The following ZNG1A variants were observed in gnomAD, a reference collection of about 807,000 sequenced individuals.
ZNG1A encodes Zn regulated GTPase metalloprotein activator 1A.
the ZNG1A span, among the ~76,000 whole-genome samples, chr9:158,133 A>AC: frequency 6.8e-6 from 1 of 146,778 alleles, no homozygotes; most frequent in Non-Finnish European, 1.5e-5. Flanking sequence ...TGAGGCTACA[A>AC]CAAGTCCTAT....
chr9:177,621 G>A, the ZNG1A span: 1 of 1,514,934 alleles, frequency 6.6e-7, no homozygotes, highest in Non-Finnish European at 8.9e-7. Context: ...AAAATGGTCA[G>A]GGATAGGAGT....
At chr9:177,924 T>A in the ZNG1A span, 3 of 1,478,828 alleles carry the variant, frequency 2.0e-6, no homozygotes, top group Non-Finnish European at 2.7e-6. Flanking sequence ...ACAAAAGCAG[T>A]TATTTCTTAT....
the ZNG1A span, among the ~76,000 whole-genome samples, chr9:176,304 T>C: frequency 4.2e-5 from 6 of 141,852 alleles, no homozygotes; most frequent in East Asian, 1.2e-3. Context: ...AAAAATAGTC[T>C]TGTGAACCGT....
At chr9:128,387 T>C in the ZNG1A span, among the ~76,000 whole-genome samples, 1 of 151,842 alleles carries the variant, frequency 6.6e-6, no homozygotes, top group Admixed American at 6.6e-5. Flanking sequence ...TTATTCTTTT[T>C]TCTTTGTCTT....
chr9:165,113 G>A, the ZNG1A span, among the ~76,000 whole-genome samples: 1 of 152,262 alleles, frequency 6.6e-6, no homozygotes, highest in African/African-American at 2.4e-5. Flanking sequence ...TAGAACTGGA[G>A]CGTGTCAGTC....
At chr9:162,657 C>T in the ZNG1A span, among the ~76,000 whole-genome samples, 2 of 149,976 alleles carry the variant, frequency 1.3e-5, no homozygotes, top group African/African-American at 5.0e-5. Flanking sequence ...TAAGTCAATG[C>T]ATTTCCTGAG....
At chr9:141,517 G>A in the ZNG1A span, among the ~76,000 whole-genome samples, 1 of 148,980 alleles carries the variant, frequency 6.7e-6, no homozygotes. Flanking sequence ...CACCAGGCCT[G>A]CCCTACAAGA....
the ZNG1A span, chr9:162,566 T>G: frequency 2.2e-6 from 3 of 1,334,258 alleles, no homozygotes; most frequent in Non-Finnish European, 3.1e-6. Context: ...CTAACCTATT[T>G]CAGTTCACAA....
At chr9:173,952 C>T in the ZNG1A span, among the ~76,000 whole-genome samples, 32 of 152,142 alleles carry the variant, frequency 2.1e-4, no homozygotes, top group African/African-American at 7.0e-4. Context: ...CCGAGACCAT[C>T]CTCGCTAACA....
At chr9:161,885 C>G in the ZNG1A span, among the ~76,000 whole-genome samples, 1 of 151,544 alleles carries the variant, frequency 6.6e-6, no homozygotes, top group Non-Finnish European at 1.5e-5. Context: ...ATGTGTATAT[C>G]CTGATTTTCT....
At chr9:160,201 C>A in the ZNG1A span, 71 of 454,474 alleles carry the variant, frequency 1.6e-4, no homozygotes, top group South Asian at 1.1e-3. Context: ...CATGATACCC[C>A]ATGATATCAA....
chr9:152,231 T>C, the ZNG1A span, among the ~76,000 whole-genome samples: 1 of 151,430 alleles, frequency 6.6e-6, no homozygotes. Flanking sequence ...AAACAAAACT[T>C]GCTTTAAAAA....
the ZNG1A span, chr9:175,914 C>T: frequency 7.2e-7 from 1 of 1,386,292 alleles, no homozygotes; most frequent in Non-Finnish European, 9.6e-7. Context: ...CATAGAATAT[C>T]CTAGAGGATA....
At chr9:178,909 C>G in the ZNG1A span, 2 of 1,145,050 alleles carry the variant, frequency 1.7e-6, no homozygotes, top group East Asian at 5.0e-5. Context: ...GGAACCAATT[C>G]AGGACAATCC....
the ZNG1A span, chr9:120,899 C>A: frequency 6.3e-6 from 1 of 159,290 alleles, no homozygotes; most frequent in Non-Finnish European, 1.4e-5. Flanking sequence ...ACTACAACTC[C>A]CCATTCCTTT....
the ZNG1A span, chr9:166,993 G>A: frequency 1.3e-5 from 2 of 151,934 alleles, no homozygotes; most frequent in African/African-American, 4.8e-5. Flanking sequence ...AGAACTAAGG[G>A]CATACTATAA....
At chr9:121,503 C>T in the ZNG1A span, 1 of 1,611,490 alleles carries the variant, frequency 6.2e-7, no homozygotes, top group Non-Finnish European at 8.5e-7. Flanking sequence ...AACGTGTTGT[C>T]CACTGCTTTT....
the ZNG1A span, chr9:175,936 T>C: frequency 1.5e-6 from 2 of 1,321,398 alleles, no homozygotes; most frequent in African/African-American, 1.6e-5. Context: ...GATTAAAGCA[T>C]CCTTCGAAAC....
At chr9:125,190 G>A in the ZNG1A span, among the ~76,000 whole-genome samples, 1 of 151,304 alleles carries the variant, frequency 6.6e-6, no homozygotes, top group Non-Finnish European at 1.5e-5. Flanking sequence ...GAAGTGTTCC[G>A]TGTTCACCAC....
Sources: allele counts gnomAD v4.1 joint callset (sites outside exome capture counted in the v4.1 genomes callset), GRCh38; gene constraint gnomAD v4.1.1; transcripts MANE v1.5; gene names NCBI Gene and HGNC (gene_info 2026-07-23, HGNC 2026-07-21).